The following LGSN variants were observed in gnomAD, a reference collection of about 807,000 sequenced individuals.
LGSN encodes lengsin, lens protein with glutamine synthetase domain, also known as lengsin.
A neutral mutation model predicts 19.5 loss-of-function variants in LGSN; 21 were observed. The observed-to-expected ratio is 1.07, with a 90% confidence interval of 0.76 to 1.55. The LOEUF is 1.55. Ranked by LOEUF, LGSN falls within the 40% of genes most tolerant of loss-of-function variation. The pLI is 0.00. For missense variants in LGSN, 673 were observed against 608.5 expected, an observed-to-expected ratio of 1.11 and a Z score of -1.12; for synonymous variants, 257 against 215.6, an observed-to-expected ratio of 1.19 and a Z score of -1.68.
chr6:63,357,694 G>A, the LGSN span, among the ~76,000 whole-genome samples: 1 of 152,026 alleles, frequency 6.6e-6, no homozygotes, highest in Admixed American at 6.5e-5. Context: ...TTTTTTTCTT[G>A]TAAATTTGTT....
chr6:63,352,506 C>T, the LGSN span, among the ~76,000 whole-genome samples: 4,957 of 152,060 alleles, frequency 0.033, 266 homozygotes, highest in African/African-American at 0.11. Context: ...ACAAAAAATA[C>T]GAAAATTCAC....
At chr6:63,299,682 C>T (rs557464898) in intron 1 of LGSN, among the ~76,000 whole-genome samples, 19 of 152,168 alleles carry the variant, frequency 1.2e-4, no homozygotes, top group African/African-American at 3.9e-4. Flanking sequence ...TGCCCTTGTC[C>T]GTGTCTGTCT....
the LGSN span, among the ~76,000 whole-genome samples, chr6:63,425,300 T>G: frequency 6.6e-6 from 1 of 152,184 alleles, no homozygotes; most frequent in Non-Finnish European, 1.5e-5. Flanking sequence ...CCAATGTTCA[T>G]GCAAAAACCT....
At chr6:63,330,560 G>A in the LGSN span, among the ~76,000 whole-genome samples, 1 of 152,202 alleles carries the variant, frequency 6.6e-6, no homozygotes, top group Admixed American at 6.5e-5. Context: ...GCCTCTCATA[G>A]CCACTTGAGG....
At chr6:63,534,917 G>T in the LGSN span, among the ~76,000 whole-genome samples, 1 of 151,078 alleles carries the variant, frequency 6.6e-6, no homozygotes, top group Non-Finnish European at 1.5e-5. Flanking sequence ...AAAACTAGCT[G>T]GGTGTGGTGG....
At chr6:63,329,765 G>A in the LGSN span, among the ~76,000 whole-genome samples, 1 of 152,140 alleles carries the variant, frequency 6.6e-6, no homozygotes, top group Non-Finnish European at 1.5e-5. Context: ...TCCAGCCTTG[G>A]CTAATATATC....
chr6:63,330,944 A>G, the LGSN span, among the ~76,000 whole-genome samples: 1 of 152,226 alleles, frequency 6.6e-6, no homozygotes, highest in African/African-American at 2.4e-5. Flanking sequence ...CTATGTACCT[A>G]TCAGGATCAT....
At chr6:63,536,226 A>C in the LGSN span, among the ~76,000 whole-genome samples, 1 of 152,168 alleles carries the variant, frequency 6.6e-6, no homozygotes, top group African/African-American at 2.4e-5. Context: ...AGCTACTCAG[A>C]GGCTGAGGCA....
At chr6:63,531,682 G>A in the LGSN span, among the ~76,000 whole-genome samples, 2 of 151,794 alleles carry the variant, frequency 1.3e-5, no homozygotes, top group Non-Finnish European at 2.9e-5. Context: ...TGTAGGGATG[G>A]GGTTTTACCA....
chr6:63,495,369 G>C, the LGSN span, among the ~76,000 whole-genome samples: 1 of 151,572 alleles, frequency 6.6e-6, no homozygotes, highest in Non-Finnish European at 1.5e-5. Context: ...AGATCCTTCT[G>C]CCCCCGGAGC....
At chr6:63,573,402 CTCTT>C in the LGSN span, 1 of 152,242 alleles carries the variant, frequency 6.6e-6, no homozygotes, top group Non-Finnish European at 1.5e-5. Context: ...TGCAGCTACA[CTCTT>C]GTGCTCGACG....
At chr6:63,502,381 C>G in the LGSN span, among the ~76,000 whole-genome samples, 1 of 152,036 alleles carries the variant, frequency 6.6e-6, no homozygotes, top group Non-Finnish European at 1.5e-5. Flanking sequence ...TCTCAAAGTG[C>G]TTCTGTAATA....
the LGSN span, among the ~76,000 whole-genome samples, chr6:63,406,086 T>C: frequency 6.6e-6 from 1 of 152,114 alleles, no homozygotes; most frequent in Non-Finnish European, 1.5e-5. Context: ...TGGGAGACTT[T>C]AACACCCCAC....
At chr6:63,570,525 C>T in the LGSN span, among the ~76,000 whole-genome samples, 1 of 152,324 alleles carries the variant, frequency 6.6e-6, no homozygotes, top group East Asian at 1.9e-4. Context: ...CGTGTCAGCA[C>T]TGCTTGTGGT....
chr6:63,315,510 A>G (rs1011364990), intron 1 of LGSN, among the ~76,000 whole-genome samples: 1 of 152,052 alleles, frequency 6.6e-6, no homozygotes. Flanking sequence ...GTTACCCTCA[A>G]TATCAGGCCT....
At chr6:63,410,787 T>C in the LGSN span, among the ~76,000 whole-genome samples, 6 of 152,182 alleles carry the variant, frequency 3.9e-5, no homozygotes. Flanking sequence ...TAATAGGTGT[T>C]GAAACAATTT....
chr6:63,297,137 C>A (rs1026267035), intron 1 of LGSN, among the ~76,000 whole-genome samples: 1 of 151,930 alleles, frequency 6.6e-6, no homozygotes, highest in African/African-American at 2.4e-5. Context: ...GTCAGAAGAT[C>A]GAGACCAGCC....
At chr6:63,497,620 A>T in the LGSN span, among the ~76,000 whole-genome samples, 1 of 152,098 alleles carries the variant, frequency 6.6e-6, no homozygotes, top group Non-Finnish European at 1.5e-5. Flanking sequence ...AAGTTGGCAT[A>T]GGAAAGGCAT....
chr6:63,347,034 G>T, the LGSN span, among the ~76,000 whole-genome samples: 1 of 152,120 alleles, frequency 6.6e-6, no homozygotes, highest in African/African-American at 2.4e-5. Flanking sequence ...ACCAAAAGTT[G>T]CCTCATTAGA....
Sources: allele counts gnomAD v4.1 joint callset (sites outside exome capture counted in the v4.1 genomes callset), GRCh38; gene constraint gnomAD v4.1.1; transcripts MANE v1.5; gene names NCBI Gene and HGNC (gene_info 2026-07-23, HGNC 2026-07-21).